The following AP3D1 variants were observed in gnomAD, a reference collection of about 807,000 sequenced individuals.
AP3D1 encodes AP-3 complex subunit delta-1.
A neutral mutation model predicts 147.6 loss-of-function variants in AP3D1; 51 were observed. That is an observed-to-expected ratio of 0.35 (90% CI 0.28 to 0.44). The LOEUF is 0.44. AP3D1 is among the 20% of genes least tolerant of loss of function. The probability of loss-of-function intolerance (pLI) is 1.00; values close to 1 mark genes in which losing one functional copy is unlikely to be tolerated. For missense variants in AP3D1, 1,421 were observed against 1,624.2 expected (o/e 0.87, Z 2.15); for synonymous variants, 760 against 663.0 (o/e 1.15, Z -2.25).
In AP3D1 at chr19:2,114,146, C is replaced by A. The variant is rs375962470; in HGVS notation, c.2580G>T (p.Lys860Asn). 1.2e-4 allele frequency: 193 copies of A among 1,562,986 alleles called. No homozygotes were observed. The highest frequency in any genetic ancestry group is 1.6e-4 in the Non-Finnish European group (184 of 1,153,700). Residue 860 changes from lysine (K) to asparagine (N), a missense_variant, in exon 22 of 32, where the codon AAG becomes AAT. Physicochemically the swap from Lys to Asn is moderately conservative, Grantham distance 94. Around this residue, in one of 6 missense-constraint regions of AP3D1, gnomAD observed 791 missense variants for 761.4 expected, o/e 1.04. Transcript: ENST00000643116. The stretch of plus-strand genomic sequence containing the variant: ...TTACCTTCTTCTCCTTCTCCTTCTT[C>A]TTCTCCTTGTCTCTCTCTTTCTCTT... Reference protein sequence around the residue: ...KHKEKERDKEKKKEKEKKAED... With the variant: ...KHKEKERDKENKKEKEKKAED...
chr19:2,134,424 A>AG (rs1268515127), intron 4 of AP3D1, among the ~76,000 whole-genome samples: 1 of 151,440 alleles, frequency 6.6e-6, no homozygotes, highest in African/African-American at 2.4e-5. Flanking sequence ...CTGTCTCAAA[A>AG]AAAAAAAAGT....
At chr19:2,152,341 G>A (rs1374667494), upstream of AP3D1, among the ~76,000 whole-genome samples, 2 of 151,470 alleles carry the variant, frequency 1.3e-5, no homozygotes, top group African/African-American at 4.9e-5. Flanking sequence ...TCAGGAGTTC[G>A]AAACCAGCCA....
intron 10 of AP3D1, 97 bp downstream of exon 10, chr19:2,123,733 C>G: frequency 7.0e-7 from 1 of 1,433,670 alleles, no homozygotes; most frequent in Non-Finnish European, 9.5e-7. Context: ...GTGGGGGGAC[C>G]AGCACCTTGG....
In AP3D1 at chr19:2,116,275, G is replaced by A; in HGVS notation, c.2005C>T (p.Arg669Ter). 5 of 1,613,948 alleles carry A rather than the reference G, an allele frequency of 3.1e-6. No individual in the cohort carries two copies. Among genetic ancestry groups the A allele is most frequent in the Non-Finnish European group, 4.2e-6 (5 of 1,179,976 alleles). ...EADEEELARRREARKQEQANN... is the reference protein window; with the variant it reads ...EADEEELARR The stretch of plus-strand genomic sequence containing the variant: ...GCCTGCTCCTGCTTCCGGGCCTCTC[G>A]GCGCTGTGGGACACAGCTTGGCATG... The change falls in exon 18 of 32, where the codon CGA (arginine) becomes TGA (stop). Residue 669 changes from arginine (R) to a stop codon, truncating the protein, a stop_gained. Transcript: ENST00000643116. LOFTEE classifies it high-confidence loss of function.
intron 31 of AP3D1, among the ~76,000 whole-genome samples, chr19:2,106,547 CA>C (rs2018114610): frequency 1.3e-5 from 2 of 149,882 alleles, no homozygotes; most frequent in African/African-American, 4.9e-5. Flanking sequence ...ACTCTGTTTC[CA>C]AAACAAAAAA....
At chr19:2,102,776 T>TA (rs1279606886) in intron 31 of AP3D1, among the ~76,000 whole-genome samples, 10 of 89,056 alleles carry the variant, frequency 1.1e-4, no homozygotes, top group African/African-American at 3.7e-4. Flanking sequence ...AATAAATAAA[T>TA]AAATAAAATA....
Position 2,151,338 on chromosome 19 carries a change from G to T in AP3D1, c.-4C>A, listed in dbSNP as rs1228214669. ...CCTTCACCATCTTGAGGGCCATCGC[G>T]GCGGCCCACGGGCTTTTGCCTCGGG... On this transcript the variant is annotated 5_prime_UTR_variant, in exon 1 of 32. Coordinates refer to ENST00000643116, the MANE Select transcript of AP3D1 (RefSeq NM_001261826.3). The T allele has an allele frequency of 1.1e-5, 17 of 1,577,336 alleles. No homozygotes were observed. The highest frequency in any genetic ancestry group is 1.5e-5 in the Non-Finnish European group (17 of 1,161,250).
rs566996782 is a variant in AP3D1, at chr19:2,129,348, G to A, written c.702C>T (p.Asn234=). 6.2e-7 allele frequency: 1 copy of A among 1,614,058 alleles called. No homozygotes were observed. Among genetic ancestry groups the A allele is most frequent in the Middle Eastern group, 1.7e-4 (1 of 5,992 alleles). The stretch of plus-strand genomic sequence containing the variant: ...TGATGATCTTGATGAGGACCCAGTT[G>A]TTGGTGGAGGACGTCATCAGCTTGA... ...LFFKLMTSST[N]NWVLIKIIKL... The change falls in exon 7 of 32, where the codon AAC becomes AAT. Residue 234 remains asparagine (N), a synonymous_variant. Coordinates refer to ENST00000643116, the MANE Select transcript of AP3D1 (RefSeq NM_001261826.3).
chr19:2,143,621 A>G (rs912769332), intron 1 of AP3D1, among the ~76,000 whole-genome samples: 18 of 152,242 alleles, frequency 1.2e-4, no homozygotes, highest in African/African-American at 4.1e-4. Flanking sequence ...ATAAAAAATT[A>G]GCTGGGCGTG....
At chr19:2,127,119 G>C (rs1244931932) in intron 9 of AP3D1, 33 bp downstream of exon 9, 1 of 1,612,124 alleles carries the variant, frequency 6.2e-7, no homozygotes, top group South Asian at 1.1e-5. Flanking sequence ...GGCAGTGCCA[G>C]CCCTTCCAGA....
chr19:2,131,588 A>G (rs1335233793), intron 5 of AP3D1, among the ~76,000 whole-genome samples: 1 of 138,416 alleles, frequency 7.2e-6, no homozygotes, highest in Non-Finnish European at 1.5e-5. Flanking sequence ...CACGATCTAG[A>G]CACCAGGTGG....
chr19:2,118,975 A>T, intron 14 of AP3D1, 143 bp from the exon 15 acceptor site: 1 of 726,576 alleles, frequency 1.4e-6, no homozygotes, highest in Non-Finnish European at 2.2e-6. Flanking sequence ...CCAGGGGCTG[A>T]GACACGAAGT....
rs1410870881 is a variant in AP3D1, at chr19:2,113,349, G to A, written c.2666C>T (p.Pro889Leu). ...PPPAPAPAPA[P>L]VPSTGELSVN... ...CCAGTCTCTTACCGTGGATGGAACG[G>A]GGGCGGGGGCGGGGGCGGGGGCAGG... Residue 889 changes from proline (P) to leucine (L), a missense_variant, in exon 23 of 32, where the codon CCC becomes CTC. Transcript: ENST00000643116. The A allele has an allele frequency of 7.0e-7, 1 of 1,429,428 alleles. No homozygotes were observed. The highest frequency in any genetic ancestry group is 1.4e-5 in the South Asian group (1 of 69,098). 88.5% of individuals were successfully genotyped at this position (1,429,428 alleles called of 1,614,324 possible). A position where few individuals can be genotyped will look rare whatever the true frequency, so the allele number is the denominator to read the frequency against.
In AP3D1 at chr19:2,118,832, C is replaced by A. The variant is rs537818530; in HGVS notation, c.1482G>T (p.Glu494Asp). Residue 494 changes from glutamate to aspartate, a missense_variant and splice_region_variant, in exon 15 of 32, where the codon GAG (glutamate) becomes GAT (aspartate). Around this residue, in one of 6 missense-constraint regions of AP3D1, gnomAD observed 310 missense variants for 388.1 expected, o/e 0.80. Transcript: ENST00000643116. Reference protein sequence around the residue: ...AAAWICGEFSEHLQEPHHTLE... With the variant: ...AAAWICGEFSDHLQEPHHTLE... ...AAGTGTGGTGTGGTTCCTGCAGATG[C>A]CTGAGGACAGGAAACACTGTGAGCC... is the stretch of plus-strand genomic sequence containing the variant. 3 of 1,612,592 alleles carry A rather than the reference C, an allele frequency of 1.9e-6. No individual in the cohort carries two copies. The highest frequency in any genetic ancestry group is 1.1e-5 in the South Asian group (1 of 90,920).
Position 2,162,405 on chromosome 19 carries a change from C to T in AP3D1, c.-103+1951G>A, listed in dbSNP as rs369563909. On this transcript the variant is annotated intron_variant, in intron 1 of 14. Coordinates refer to the AP3D1 transcript ENST00000643010. ...CTGATGCCTATAAATCTCCGAATTT[C>T]GAATTTCGGGAGGCTGAGGAGGGCG... Among the ~76,000 whole-genome samples the T allele has an allele frequency of 7.4e-5, 11 of 149,382 alleles. No individual in the cohort carries two copies. The East Asian group carries it at 1.2e-3, about 17-fold the overall frequency.
chr19:2,151,139 G>A lies in AP3D1; in HGVS notation c.96+100C>T, dbSNP rs953480694. On this transcript the variant is annotated intron_variant, in intron 1 of 31. Coordinates refer to ENST00000643116, the MANE Select transcript of AP3D1 (RefSeq NM_001261826.3). ...AAGCGGGACCTCCAACTAAGACAGA[G>A]CCCGGGCGGGCGGCAGGCCGAGCAG... 17 of 1,184,324 alleles carry A rather than the reference G, an allele frequency of 1.4e-5. No individual in the cohort carries two copies. The Admixed American group carries it at 1.7e-4, about 12-fold the overall frequency. The allele number at this position is 1,184,324 out of a possible 1,614,324, so 73.4% of individuals were successfully genotyped here.
intron 1 of AP3D1, among the ~76,000 whole-genome samples, chr19:2,141,628 G>T (rs1027972180): frequency 4.0e-5 from 6 of 151,880 alleles, no homozygotes; most frequent in Non-Finnish European, 7.4e-5. Flanking sequence ...TTTTAGCAGA[G>T]ACAGGATTTC....
intron 9 of AP3D1, among the ~76,000 whole-genome samples, chr19:2,126,674 AAG>A: frequency 1.3e-5 from 2 of 151,456 alleles, no homozygotes; most frequent in African/African-American, 4.8e-5. Flanking sequence ...AAAAAAAAGA[AAG>A]AAAAAGAAAA....
chr19:2,151,268 G>A lies in AP3D1; in HGVS notation c.67C>T (p.Arg23Cys). 1.2e-6 allele frequency: 2 copies of A among 1,611,818 alleles called. No individual in the cohort carries two copies. The highest frequency in any genetic ancestry group is 1.7e-6 in the Non-Finnish European group (2 of 1,178,922). Residue 23 changes from arginine (R) to cysteine (C), a missense_variant, in exon 1 of 32, where the codon CGC becomes TGC. Physicochemically the swap from Arg to Cys is radical, Grantham distance 180. Around this residue, in one of 6 missense-constraint regions of AP3D1, gnomAD observed 292 missense variants for 412.0 expected, o/e 0.71. Transcript: ENST00000643116. Reference protein sequence around the residue: ...MFDKNLQDLVRGIRNHKEDEA... With the variant: ...MFDKNLQDLVCGIRNHKEDEA... ...TCCTCCTTGTGGTTACGGATGCCGC[G>A]GACCAAGTCCTGCAGATTCTTGTCG...
Sources: allele counts gnomAD v4.1 joint callset (sites outside exome capture counted in the v4.1 genomes callset), GRCh38; gene constraint gnomAD v4.1.1; regional missense constraint gnomAD v4.1.1; transcripts MANE v1.5; gene names NCBI Gene and HGNC (gene_info 2026-07-23, HGNC 2026-07-21).